Variants in SLC7A9 observed in about 807,000 individuals in gnomAD.
SLC7A9 encodes the protein solute carrier family 7 member 9, also known as B(0,+)-type amino acid transporter 1.
A neutral mutation model predicts 54.1 loss-of-function variants in SLC7A9; 38 were observed. The ratio of observed to expected loss-of-function variants is 0.70; its 90% CI spans 0.54 to 0.92. The LOEUF is 0.92. Among genes scored for constraint, SLC7A9 ranks in the 40% least tolerant of loss-of-function variants. SLC7A9 has a pLI of 0.00. For synonymous variants in SLC7A9, 264 were observed against 258.9 expected (o/e 1.02, Z -0.19); for missense variants, 537 against 636.1 (o/e 0.84, Z 1.68).
At chr19:32,865,788 T>A (rs1022201579) in intron 2 of SLC7A9, among the ~76,000 whole-genome samples, 2 of 152,094 alleles carry the variant, frequency 1.3e-5, no homozygotes, top group East Asian at 1.9e-4. Flanking sequence ...CTGGCCAGCA[T>A]GGAGAAACCC....
rs754449047 is a variant in SLC7A9, at chr19:32,830,695, A to G, written c.1400-11T>C. ...GCATGGTAATCGGCTCTGAAATAAG[A>G]GTCAAAAATGAGTACAGTTAGTTAG... On this transcript the variant is annotated splice_polypyrimidine_tract_variant and intron_variant, in intron 12 of 12. Transcript: ENST00000023064. 1 of 1,611,626 alleles carries G rather than the reference A, an allele frequency of 6.2e-7. No individual in the cohort carries two copies. The highest frequency in any genetic ancestry group is 8.5e-7 in the Non-Finnish European group (1 of 1,177,772).
intron 11 of SLC7A9, 133 bp downstream of exon 11, chr19:32,842,035 A>G (rs1968140874): frequency 2.3e-6 from 2 of 871,682 alleles, no homozygotes; most frequent in African/African-American, 1.7e-5. Context: ...AGTAAACTCC[A>G]CTCTAAAATA....
Position 32,830,537 on chromosome 19 carries a change from C to T in SLC7A9, c.*83G>A, listed in dbSNP as rs1400503624. The T allele has an allele frequency of 7.4e-5, 77 of 1,034,346 alleles. No individual in the cohort carries two copies. The East Asian group carries it at 8.8e-4, about 12-fold the overall frequency. The allele number at this position is 1,034,346 out of a possible 1,614,324, so 64.1% of individuals were successfully genotyped here. A position where few individuals can be genotyped will look rare whatever the true frequency, so the allele number is the denominator to read the frequency against. ...TTTAAACATCTGAGTATATTTTATT[C>T]GTAAGAAAAAAAGGAAGAAATAACC... On this transcript the variant is annotated 3_prime_UTR_variant, in exon 13 of 13. Coordinates refer to ENST00000023064, the MANE Select transcript of SLC7A9 (RefSeq NM_014270.5).
chr19:32,858,768 C>CTATATTTATTTATTTATTTATTTATTTA (rs373392618), intron 8 of SLC7A9, among the ~76,000 whole-genome samples: 7 of 148,534 alleles, frequency 4.7e-5, no homozygotes, highest in Admixed American at 3.4e-4. Flanking sequence ...TGGCATAAAT[C>CTATATTTATTTATTTATTTATTTATTTA]TTTATTTATT....
At chr19:32,850,532 TACAA>T (rs1968439227) in intron 9 of SLC7A9, among the ~76,000 whole-genome samples, 1 of 151,606 alleles carries the variant, frequency 6.6e-6, no homozygotes, top group Non-Finnish European at 1.5e-5. Context: ...TTAAAGAGGA[TACAA>T]ACAAATGGAA....
Sources: gnomAD v4.1 joint callset for allele counts (sites outside exome capture counted in the v4.1 genomes callset) on GRCh38, gnomAD v4.1.1 for gene constraint, MANE v1.5 for transcripts, NCBI Gene and HGNC (gene_info 2026-07-23, HGNC 2026-07-21) for gene names.